SLC9A1: variants seen among roughly 807,000 people sequenced by gnomAD.
SLC9A1 encodes the protein sodium/hydrogen exchanger 1.
In SLC9A1, 22 loss-of-function variants were observed where a neutral mutation model predicts 67.9. The observed-to-expected ratio is 0.32, with a 90% CI of 0.23 to 0.46. The LOEUF is 0.46. SLC9A1 is among the 20% of genes least tolerant of loss of function. The probability of loss-of-function intolerance (pLI) is 1.00; values close to 1 mark genes in which losing one functional copy is unlikely to be tolerated. For missense variants in SLC9A1, 686 were observed against 1,094.8 expected (o/e 0.63, Z 5.27); for synonymous variants, 421 against 471.8 (o/e 0.89, Z 1.40).
intron 1 of SLC9A1, among the ~76,000 whole-genome samples, chr1:27,129,213 G>A (rs907908141): frequency 6.6e-6 from 1 of 152,164 alleles, no homozygotes; most frequent in African/African-American, 2.4e-5. Context: ...TCCTGATACT[G>A]GATCCTCTAT....
chr1:27,124,113 C>G (rs1421569020), intron 1 of SLC9A1, among the ~76,000 whole-genome samples: 1 of 152,132 alleles, frequency 6.6e-6, no homozygotes, highest in Admixed American at 6.5e-5. Context: ...TGCCTCTTGC[C>G]AGACTGCTGT....
chr1:27,138,963 G>A (rs568950554), intron 1 of SLC9A1, among the ~76,000 whole-genome samples: 3 of 152,208 alleles, frequency 2.0e-5, no homozygotes, highest in Non-Finnish European at 2.9e-5. Flanking sequence ...GGAGGCCCGG[G>A]AATCACCCGG....
chr1:27,103,396 C>G lies in SLC9A1; in HGVS notation c.1486-84G>C, dbSNP rs1016637640. The G allele has an allele frequency of 3.1e-6, 3 of 966,970 alleles. No homozygotes were observed. In the African/African-American group the frequency reaches 4.8e-5, roughly 15 times the overall value. 59.9% of individuals were successfully genotyped at this position (966,970 alleles called of 1,614,324 possible). Reference sequence around the variant, plus strand: ...GAGCCTCCCTCCCTCACCCCAGGCCCCCAAGGCTAGGATGCCCTCTCTGCT... The same window carrying G: ...GAGCCTCCCTCCCTCACCCCAGGCCGCCAAGGCTAGGATGCCCTCTCTGCT... On this transcript the variant is annotated intron_variant, in intron 5 of 11. Coordinates refer to ENST00000263980, the MANE Select transcript of SLC9A1 (RefSeq NM_003047.5).
intron 1 of SLC9A1, 139 bp downstream of exon 1, chr1:27,153,844 C>G (rs1421220758): frequency 3.3e-6 from 2 of 606,640 alleles, no homozygotes; most frequent in Non-Finnish European, 5.8e-6. Context: ...TGAGAAGGAC[C>G]AAGGTGGCAG....
chr1:27,152,524 C>A (rs760470572), intron 1 of SLC9A1, among the ~76,000 whole-genome samples: 5 of 152,156 alleles, frequency 3.3e-5, no homozygotes, highest in Non-Finnish European at 7.4e-5. Context: ...GAGTCTTAAC[C>A]ATTTCACAGG....
intron 1 of SLC9A1, among the ~76,000 whole-genome samples, chr1:27,138,660 G>C (rs2083434908): frequency 6.6e-6 from 1 of 152,106 alleles, no homozygotes; most frequent in Non-Finnish European, 1.5e-5. Context: ...TCCAGGCTGG[G>C]GATCGAGCAA....
At chr1:27,149,918 C>G (rs1433317863) in intron 1 of SLC9A1, among the ~76,000 whole-genome samples, 1 of 152,188 alleles carries the variant, frequency 6.6e-6, no homozygotes, top group Non-Finnish European at 1.5e-5. Context: ...CCAACTAAGC[C>G]CTCTAAGTGC....
chr1:27,123,256 C>T (rs1168264191), intron 1 of SLC9A1, among the ~76,000 whole-genome samples: 2 of 152,016 alleles, frequency 1.3e-5, no homozygotes, highest in African/African-American at 4.8e-5. Flanking sequence ...CAGTGATTCT[C>T]CCCCTTCCCT....
intron 4 of SLC9A1, 30 bp downstream of exon 4, chr1:27,107,618 C>T (rs548399079): frequency 1.3e-6 from 2 of 1,486,468 alleles, no homozygotes; most frequent in Non-Finnish European, 1.8e-6. Flanking sequence ...CACACCACAA[C>T]CCCCACCCCG....
In SLC9A1 at chr1:27,100,752, C is replaced by A; in HGVS notation, c.2111-108G>T. 1 of 866,534 alleles carries A rather than the reference C, an allele frequency of 1.2e-6. No homozygotes were observed. The highest frequency in any genetic ancestry group is 1.8e-6 in the Non-Finnish European group (1 of 554,614). The allele number at this position is 866,534 out of a possible 1,614,324, so 53.7% of individuals were successfully genotyped here. A position where few individuals can be genotyped will look rare whatever the true frequency, so the allele number is the denominator to read the frequency against. On this transcript the variant is annotated intron_variant, in intron 11 of 11. Transcript: ENST00000263980. The surrounding 1 kb of genome is among the most constrained non-coding windows in gnomAD (Gnocchi z 5.6). ...CTTCAGGCCTTCTCATGAGCACAGC[C>A]GTCCCGGTCCCAACAGGCCTCAGAA...
At chr1:27,117,227 G>A (rs1266845148) in intron 1 of SLC9A1, among the ~76,000 whole-genome samples, 1 of 152,186 alleles carries the variant, frequency 6.6e-6, no homozygotes, top group Non-Finnish European at 1.5e-5. Flanking sequence ...GCAGGATGAA[G>A]ATTTAGGGGA....
chr1:27,119,144 C>T (rs558639134), intron 1 of SLC9A1, among the ~76,000 whole-genome samples: 111 of 152,132 alleles, frequency 7.3e-4, no homozygotes, highest in African/African-American at 2.4e-3. Context: ...CAGCCCCCTG[C>T]GGCTGCTCTG....
At position 27,143,752 on chromosome 1, in the gene SLC9A1, C is replaced by T. The variant is rs117394207; in HGVS notation, c.352+10231G>A. On this transcript the variant is annotated intron_variant, in intron 1 of 11. Transcript: ENST00000263980. Reference sequence around the variant, plus strand: ...CAAAGGTCAATATGCAGGAAAGAGGCGAGCTAGGACTAAGACCCAGGTCCC... The same window carrying T: ...CAAAGGTCAATATGCAGGAAAGAGGTGAGCTAGGACTAAGACCCAGGTCCC... Among the ~76,000 whole-genome samples the T allele has an allele frequency of 3.0e-4, 46 of 152,306 alleles. 1 individual carries two copies. In the East Asian group the frequency reaches 6.9e-3, roughly 23 times the overall value.
chr1:27,135,224 T>C (rs115445249), intron 1 of SLC9A1, among the ~76,000 whole-genome samples: 3,504 of 151,926 alleles, frequency 0.023, 135 homozygotes, highest in African/African-American at 0.078. Flanking sequence ...TAATTTTTTA[T>C]TTTATTTTTG....
Position 27,109,718 on chromosome 1 carries a change from G to C in SLC9A1, c.873C>G (p.Ile291Met). Reference protein sequence around the residue: ...ANYEHVGIVDIFLGFLSFFVV... With the variant: ...ANYEHVGIVDMFLGFLSFFVV... ...CGAAGAAGCTCAGGAAGCCGAGGAA[G>C]ATGTCCACGATGCCCACGTGTTCGT... The change falls in exon 3 of 12, where the codon ATC becomes ATG. Residue 291 changes from isoleucine (I) to methionine (M), a missense_variant. Transcript: ENST00000263980. This position sits in a 1 kb window ranked among gnomAD's most constrained non-coding sequence, Gnocchi z 5.5. 6.2e-7 allele frequency: 1 copy of C among 1,614,094 alleles called. No homozygotes were observed. The highest frequency in any genetic ancestry group is 8.5e-7 in the Non-Finnish European group (1 of 1,180,022).
chr1:27,115,549 C>T (rs1358291537), intron 1 of SLC9A1, among the ~76,000 whole-genome samples: 1 of 152,080 alleles, frequency 6.6e-6, no homozygotes, highest in African/African-American at 2.4e-5. Flanking sequence ...CATGGTGGCT[C>T]ATGCCTGTAT....
chr1:27,122,429 G>A (rs916202465), intron 1 of SLC9A1, among the ~76,000 whole-genome samples: 4 of 152,166 alleles, frequency 2.6e-5, no homozygotes, highest in African/African-American at 9.7e-5. Context: ...GACCTCAAAA[G>A]CCTTTTGAGG....
At chr1:27,105,670 A>G (rs940137414) in intron 5 of SLC9A1, 1 of 710,194 alleles carries the variant, frequency 1.4e-6, no homozygotes, top group African/African-American at 1.8e-5. Flanking sequence ...TTACATTCTG[A>G]TCAGTCACTC....
At position 27,114,108 on chromosome 1, in the gene SLC9A1, C is replaced by A; in HGVS notation, c.531G>T (p.Leu177=). 1 of 1,614,130 alleles carries A rather than the reference C, an allele frequency of 6.2e-7. No individual in the cohort carries two copies. Residue 177 remains leucine (L), a synonymous_variant, in exon 2 of 12, where the codon CTG becomes CTT. Coordinates refer to ENST00000263980, the MANE Select transcript of SLC9A1 (RefSeq NM_003047.5). This position sits in a 1 kb window ranked among gnomAD's most constrained non-coding sequence, Gnocchi z 5.4. ...GGTTTTCTGTGAACTGCCGCAGTGG[C>A]AGGAAGTAGCCCGCATCCAGGATGA... The part of the protein sequence containing the change: ...PPIILDAGYF[L]PLRQFTENLG...
Sources: gnomAD v4.1 joint callset for allele counts (sites outside exome capture counted in the v4.1 genomes callset) on GRCh38, gnomAD v4.1.1 for gene constraint, Gnocchi (gnomAD v3.1) non-coding constraint, MANE v1.5 for transcripts, NCBI Gene and HGNC (gene_info 2026-07-23, HGNC 2026-07-21) for gene names.